MBNL3: variants seen among roughly 807,000 people sequenced by gnomAD.
MBNL3 encodes muscleblind-like protein 3.
A neutral mutation model predicts 24.5 loss-of-function variants in MBNL3; 6 were observed. That is an observed-to-expected ratio of 0.25 (90% confidence interval 0.13 to 0.48). The LOEUF is 0.48. Among genes scored for constraint, MBNL3 ranks in the 20% least tolerant of loss-of-function variants. The pLI is 0.99. For missense variants in MBNL3, 230 were observed against 293.5 expected (o/e 0.78, Z 1.58); for synonymous variants, 100 against 101.7 (o/e 0.98, Z 0.10).
intron 1 of MBNL3, among the ~76,000 whole-genome samples, chrX:132,450,753 T>C (rs1461668951): frequency 4.5e-5 from 5 of 112,051 alleles, no homozygotes; most frequent in Non-Finnish European, 9.4e-5. Context: ...GCATTCTAGT[T>C]TTTGGAATTT....
At position 132,374,908 on chromosome X, in the gene MBNL3, T is replaced by C. The variant is rs1389887689; in HGVS notation, c.*4758A>G. On this transcript the variant is annotated 3_prime_UTR_variant, in exon 9 of 9. Coordinates refer to ENST00000370853, the MANE Select transcript of MBNL3 (RefSeq NM_001386889.1). ...AATGGGGTAATTTTGAATTAAGTTA[T>C]AAAAAAAGTTAGGTAATGTATTAAA... 1 of 111,906 alleles carries C rather than the reference T, an allele frequency of 8.9e-6. No homozygotes were observed. The highest frequency in any genetic ancestry group is 3.2e-5 in the African/African-American group (1 of 30,871). The allele number at this position is 111,906 out of a possible 1,213,427, so 9.2% of individuals were successfully genotyped here. A position where few individuals can be genotyped will look rare whatever the true frequency, so the allele number is the denominator to read the frequency against.
At chrX:132,401,714 A>T (rs1362278162) in intron 3 of MBNL3, among the ~76,000 whole-genome samples, 1 of 111,502 alleles carries the variant, frequency 9.0e-6, no homozygotes, top group Non-Finnish European at 1.9e-5. Flanking sequence ...AAACCCAAGT[A>T]ATATAATACA....
intron 1 of MBNL3, among the ~76,000 whole-genome samples, chrX:132,442,881 A>T (rs1945460148): frequency 8.9e-6 from 1 of 112,275 alleles, no homozygotes; most frequent in East Asian, 2.8e-4. Flanking sequence ...CTCAGAAGAA[A>T]CTAAGTGCAA....
intron 1 of MBNL3, among the ~76,000 whole-genome samples, chrX:132,473,889 T>C (rs1415445798): frequency 1.8e-5 from 2 of 111,713 alleles, no homozygotes; most frequent in African/African-American, 3.3e-5. Context: ...CGCATCGTTT[T>C]CCGCTTCAGA....
At chrX:132,386,849 A>T (rs770746050) in intron 5 of MBNL3, 38 bp from the exon 6 acceptor site, 1 of 1,189,703 alleles carries the variant, frequency 8.4e-7, no homozygotes, top group African/African-American at 1.8e-5. Flanking sequence ...TAGAGAAAGT[A>T]ACAAATGTAC....
intron 1 of MBNL3, among the ~76,000 whole-genome samples, chrX:132,483,382 A>T (rs1947841345): frequency 8.9e-6 from 1 of 111,930 alleles, no homozygotes; most frequent in Admixed American, 9.4e-5. Context: ...TAGTATATGA[A>T]TCCAACCTTA....
intron 1 of MBNL3, among the ~76,000 whole-genome samples, chrX:132,456,035 T>A (rs929480859): frequency 1.8e-5 from 2 of 112,189 alleles, no homozygotes; most frequent in East Asian, 5.6e-4. Context: ...TCCTCTCTAC[T>A]TTCTAAAACC....
At chrX:132,463,323 A>T (rs1946723252) in intron 1 of MBNL3, among the ~76,000 whole-genome samples, 1 of 111,346 alleles carries the variant, frequency 9.0e-6, no homozygotes, top group Admixed American at 9.5e-5. Flanking sequence ...TTAGTTGGGC[A>T]TGGTGGCTCA....
At chrX:132,429,375 G>T (rs926508129) in intron 2 of MBNL3, among the ~76,000 whole-genome samples, 3 of 111,830 alleles carry the variant, frequency 2.7e-5, no homozygotes, top group African/African-American at 9.8e-5. Context: ...CCCAGTTCTG[G>T]TCAGCAAACT....
chrX:132,486,711 A>T (rs1380355189), intron 1 of MBNL3, among the ~76,000 whole-genome samples: 1 of 112,301 alleles, frequency 8.9e-6, no homozygotes, highest in East Asian at 2.8e-4. Context: ...TTTATTAAGC[A>T]CCTAGTTTGT....
chrX:132,467,454 GTTCTGATTAAAAATTAATAATGATAATA>G (rs1946948298), intron 1 of MBNL3, among the ~76,000 whole-genome samples: 1 of 111,972 alleles, frequency 8.9e-6, no homozygotes, highest in Non-Finnish European at 1.9e-5. Context: ...TTTAAGGGAA[GTTCTGATTAAAAATTAATAATGATAATA>G]CACATAAGAA....
intron 2 of MBNL3, among the ~76,000 whole-genome samples, chrX:132,409,727 A>T (rs1186327621): frequency 1.8e-5 from 2 of 111,116 alleles, no homozygotes; most frequent in Non-Finnish European, 3.8e-5. Flanking sequence ...TCAGCAGCTA[A>T]GGGGAGTCAA....
At chrX:132,436,182 G>C (rs1267709308) in intron 2 of MBNL3, among the ~76,000 whole-genome samples, 1 of 111,768 alleles carries the variant, frequency 8.9e-6, no homozygotes, top group African/African-American at 3.2e-5. Flanking sequence ...CAAGGCAACA[G>C]AGTCAAAAAC....
Position 132,448,130 on chromosome X carries a change from A to T in MBNL3, c.-703-7816T>A, listed in dbSNP as rs766360230. ...TTGATCATGGTGGATAAGCTTTTTGATGTGCTGCTGGATTAGGTTTGCCAG... is the reference window on the plus strand; with the variant it reads ...TTGATCATGGTGGATAAGCTTTTTGTTGTGCTGCTGGATTAGGTTTGCCAG... On this transcript the variant is annotated intron_variant, in intron 1 of 8. Coordinates refer to ENST00000370853, the MANE Select transcript of MBNL3 (RefSeq NM_001386889.1). 2.7e-5 allele frequency among the ~76,000 whole-genome samples: 3 copies of T among 111,601 alleles called. No homozygotes were observed. The South Asian group carries it at 1.1e-3, about 42-fold the overall frequency.
chrX:132,391,396 ATAAT>A (rs1937155903), intron 4 of MBNL3, among the ~76,000 whole-genome samples: 1 of 112,065 alleles, frequency 8.9e-6, no homozygotes, highest in Admixed American at 9.5e-5. Flanking sequence ...AGCCTTAAGC[ATAAT>A]TAGTGTTTTT....
intron 1 of MBNL3, among the ~76,000 whole-genome samples, chrX:132,478,612 T>C (rs1199725205): frequency 1.8e-5 from 2 of 112,499 alleles, no homozygotes; most frequent in Admixed American, 1.9e-4. Context: ...GTGCATGGAT[T>C]TGAAATAACA....
At chrX:132,466,357 T>C (rs1946884556) in intron 1 of MBNL3, among the ~76,000 whole-genome samples, 2 of 112,186 alleles carry the variant, frequency 1.8e-5, no homozygotes, top group Non-Finnish European at 3.8e-5. Context: ...TTGTCTATCT[T>C]CTTCCTCACT....
At chrX:132,475,975 C>T (rs1269889085) in intron 1 of MBNL3, among the ~76,000 whole-genome samples, 2 of 112,026 alleles carry the variant, frequency 1.8e-5, no homozygotes, top group Non-Finnish European at 3.8e-5. Context: ...TACTTTCTGA[C>T]TTCCTATTTC....
chrX:132,381,243 A>T, intron 8 of MBNL3: 1 of 413,737 alleles, frequency 2.4e-6, no homozygotes, highest in Non-Finnish European at 4.0e-6. Flanking sequence ...CAAGCTCTAC[A>T]TCACAAGCAA....
Sources: allele counts gnomAD v4.1 joint callset (sites outside exome capture counted in the v4.1 genomes callset), GRCh38; gene constraint gnomAD v4.1.1; transcripts MANE v1.5; gene names NCBI Gene and HGNC (gene_info 2026-07-23, HGNC 2026-07-21).